Variants in SOBP observed in about 807,000 individuals in gnomAD.
The protein encoded by SOBP is sine oculis-binding protein homolog.
Under a neutral mutation model 53.6 loss-of-function variants are expected in SOBP, and 4 were observed. The ratio of observed to expected loss-of-function variants is 0.07; its 90% CI spans 0.04 to 0.17. The LOEUF (loss-of-function observed/expected upper bound fraction) is 0.17, where lower values mean the gene tolerates loss of function less well. Among genes scored for constraint, SOBP ranks in the 10% least tolerant of loss-of-function variants. The probability of loss-of-function intolerance (pLI) is 1.00; values close to 1 mark genes in which losing one functional copy is unlikely to be tolerated. For synonymous variants in SOBP, 584 were observed against 522.6 expected (o/e 1.12, Z -1.60); for missense variants, 1,088 against 1,204.7 (o/e 0.90, Z 1.43).
intron 5 of SOBP, among the ~76,000 whole-genome samples, chr6:107,632,219 C>T (rs1770744113): frequency 6.6e-6 from 1 of 151,924 alleles, no homozygotes; most frequent in African/African-American, 2.4e-5. Flanking sequence ...ATATTGGAAC[C>T]AGTGCTTTAT....
At chr6:107,630,125 C>A (rs977740664) in intron 5 of SOBP, among the ~76,000 whole-genome samples, 1 of 152,176 alleles carries the variant, frequency 6.6e-6, no homozygotes, top group Non-Finnish European at 1.5e-5. Flanking sequence ...AGAAACAAAG[C>A]TGGGGTGAAA....
intron 5 of SOBP, among the ~76,000 whole-genome samples, 200 bp from the exon 6 acceptor site, chr6:107,633,314 A>T (rs1770801029): frequency 6.6e-6 from 1 of 152,252 alleles, no homozygotes; most frequent in Non-Finnish European, 1.5e-5. Flanking sequence ...GATAATTGGT[A>T]TTCTGAAGAG....
At chr6:107,566,802 C>T (rs776679766) in intron 4 of SOBP, among the ~76,000 whole-genome samples, 48 of 152,194 alleles carry the variant, frequency 3.2e-4, no homozygotes, top group Admixed American at 2.0e-4. Context: ...GGGAGGAAAT[C>T]GGACTGAAGC....
At chr6:107,595,013 G>T (rs894141904) in intron 5 of SOBP, among the ~76,000 whole-genome samples, 3 of 152,200 alleles carry the variant, frequency 2.0e-5, no homozygotes, top group Admixed American at 6.5e-5. Context: ...CAGAGAAGGA[G>T]TACAGTCTAT....
chr6:107,501,107 A>G lies in SOBP; in HGVS notation c.97-2550A>G, dbSNP rs111913097. Among the ~76,000 whole-genome samples the G allele has an allele frequency of 7.2e-5, 11 of 152,300 alleles. 2 individuals carry two copies. Among genetic ancestry groups the G allele is most frequent in the African/African-American group, 2.4e-4 (10 of 41,584 alleles). On this transcript the variant is annotated intron_variant, in intron 1 of 6. Transcript: ENST00000317357. ...TGTTTTAGAGTTTATTTACCCTGAC[A>G]TTTATAGTAACTTGAAAATCATGGA...
intron 5 of SOBP, among the ~76,000 whole-genome samples, chr6:107,612,945 T>G (rs1216413875): frequency 6.6e-6 from 1 of 152,264 alleles, no homozygotes. Context: ...GGCTGAATAA[T>G]ATTCCATTGT....
chr6:107,620,526 C>G (rs978391757), intron 5 of SOBP, among the ~76,000 whole-genome samples: 3 of 152,208 alleles, frequency 2.0e-5, no homozygotes, highest in Admixed American at 2.0e-4. Context: ...AATGAGACAG[C>G]AGGGCCATGA....
chr6:107,521,556 T>G (rs1260004119), intron 3 of SOBP, among the ~76,000 whole-genome samples: 1 of 152,158 alleles, frequency 6.6e-6, no homozygotes, highest in East Asian at 1.9e-4. Context: ...GACCTACACT[T>G]AACCACCTAA....
chr6:107,580,980 C>T (rs1785384055), intron 4 of SOBP, among the ~76,000 whole-genome samples: 1 of 152,170 alleles, frequency 6.6e-6, no homozygotes, highest in African/African-American at 2.4e-5. Context: ...GAATATCCAG[C>T]GATAGCGTTA....
intron 5 of SOBP, among the ~76,000 whole-genome samples, chr6:107,610,937 G>A (rs1338168470): frequency 6.6e-6 from 1 of 152,212 alleles, no homozygotes; most frequent in Non-Finnish European, 1.5e-5. Context: ...GTTACCATTT[G>A]TAGAGTATGA....
chr6:107,553,872 T>G (rs1214424911), intron 4 of SOBP, among the ~76,000 whole-genome samples: 1 of 152,182 alleles, frequency 6.6e-6, no homozygotes, highest in Non-Finnish European at 1.5e-5. Context: ...TCTGCCTGCC[T>G]CAGGTGTGGG....
intron 6 of SOBP, among the ~76,000 whole-genome samples, chr6:107,656,321 A>AGACAGAC (rs1562131053): frequency 6.5e-4 from 20 of 30,790 alleles, no homozygotes; most frequent in South Asian, 1.8e-3. Context: ...GAAAGAAAGA[A>AGACAGAC]AGAAAGAAAG....
intron 3 of SOBP, among the ~76,000 whole-genome samples, chr6:107,528,115 C>A (rs200117548): frequency 6.6e-6 from 1 of 152,172 alleles, no homozygotes; most frequent in African/African-American, 2.4e-5. Flanking sequence ...AAAACATATT[C>A]TTCAGAAAGA....
At chr6:107,572,963 C>T (rs111996751) in intron 4 of SOBP, among the ~76,000 whole-genome samples, 16 of 152,268 alleles carry the variant, frequency 1.1e-4, no homozygotes, top group African/African-American at 2.9e-4. Flanking sequence ...GCAGTGCCCA[C>T]GAATCCTGGG....
At chr6:107,510,490 T>A (rs974549528) in intron 3 of SOBP, 1 of 152,248 alleles carries the variant, frequency 6.6e-6, no homozygotes, top group Admixed American at 6.5e-5. Flanking sequence ...CAAATCTTAT[T>A]GCACATATAT....
intron 6 of SOBP, among the ~76,000 whole-genome samples, chr6:107,637,715 A>G (rs1215736456): frequency 2.6e-5 from 4 of 152,256 alleles, no homozygotes; most frequent in Non-Finnish European, 5.9e-5. Context: ...AGATTTTACT[A>G]TTATACCATC....
intron 5 of SOBP, among the ~76,000 whole-genome samples, chr6:107,608,454 T>C (rs1029066740): frequency 2.0e-5 from 3 of 152,212 alleles, no homozygotes; most frequent in African/African-American, 7.2e-5. Context: ...GAATGTCTTT[T>C]TTCTTTTCCT....
At chr6:107,491,797 C>T (rs9486626) in intron 1 of SOBP, among the ~76,000 whole-genome samples, 1 of 152,224 alleles carries the variant, frequency 6.6e-6, no homozygotes, top group African/African-American at 2.4e-5. Flanking sequence ...ACTACTTGGC[C>T]AGTTTTGGTT....
chr6:107,552,815 T>TA (rs1784499932), intron 4 of SOBP, among the ~76,000 whole-genome samples: 1 of 152,034 alleles, frequency 6.6e-6, no homozygotes, highest in African/African-American at 2.4e-5. Flanking sequence ...TCTAGTTACT[T>TA]AGGAGGCTGA....
Sources: allele counts gnomAD v4.1 joint callset (sites outside exome capture counted in the v4.1 genomes callset), GRCh38; gene constraint gnomAD v4.1.1; transcripts MANE v1.5; gene names NCBI Gene and HGNC (gene_info 2026-07-23, HGNC 2026-07-21).